The following GSE1 variants were observed in gnomAD, a reference collection of about 807,000 sequenced individuals.
The protein encoded by GSE1 is genetic suppressor element 1.
In GSE1, 32 loss-of-function variants were observed where a neutral mutation model predicts 112.6. The observed-to-expected ratio is 0.28, with a 90% CI of 0.21 to 0.38. The LOEUF (loss-of-function observed/expected upper bound fraction) is 0.38, where lower values mean the gene tolerates loss of function less well. Ranked by LOEUF, GSE1 falls within the 10% of genes least tolerant of loss-of-function variation. The pLI, the probability that GSE1 is intolerant of heterozygous loss-of-function variation, is 1.00. For synonymous variants in GSE1, 1,115 were observed against 735.6 expected (o/e 1.52, Z -8.35); for missense variants, 2,348 against 1,699.2 (o/e 1.38, Z -6.71).
chr16:85,671,396 C>T (rs1363601609), intron 15 of GSE1, among the ~76,000 whole-genome samples: 5 of 142,060 alleles, frequency 3.5e-5, no homozygotes, highest in Admixed American at 2.2e-4. Flanking sequence ...GCCGAGATTG[C>T]GCCACTGCAC....
chr16:85,261,034 C>T (rs1907631199), intron 1 of GSE1, among the ~76,000 whole-genome samples: 1 of 152,194 alleles, frequency 6.6e-6, no homozygotes, highest in Non-Finnish European at 1.5e-5. Flanking sequence ...TGGCTTGGCC[C>T]TGATGGGTCC....
At chr16:85,616,598 C>T (rs777117899) in intron 1 of GSE1, among the ~76,000 whole-genome samples, 17 of 152,146 alleles carry the variant, frequency 1.1e-4, no homozygotes, top group African/African-American at 2.2e-4. Context: ...CCTGGTGTGC[C>T]GGGAGAGCTG....
chr16:85,302,287 G>A (rs1784565823), intron 1 of GSE1, among the ~76,000 whole-genome samples: 1 of 152,178 alleles, frequency 6.6e-6, no homozygotes, highest in South Asian at 2.1e-4. Context: ...GTGACTCGGA[G>A]TCATCCTGAC....
intron 2 of GSE1, among the ~76,000 whole-genome samples, chr16:85,643,258 C>CAGG (rs2050590817): frequency 6.6e-6 from 1 of 152,192 alleles, no homozygotes. Context: ...TGAATACCGC[C>CAGG]AGTTAATTAC....
At chr16:85,202,806 G>A (rs2075051910) in intron 1 of GSE1, among the ~76,000 whole-genome samples, 1 of 152,214 alleles carries the variant, frequency 6.6e-6, no homozygotes, top group Non-Finnish European at 1.5e-5. Context: ...GGCCCAGCGT[G>A]GAGCCAGGCC....
intron 1 of GSE1, among the ~76,000 whole-genome samples, chr16:85,232,675 T>C (rs1013151118): frequency 1.1e-4 from 17 of 152,170 alleles, no homozygotes; most frequent in African/African-American, 3.6e-4. Context: ...CTCCAGCCAG[T>C]GGGGTCCTGC....
chr16:85,517,910 C>G (rs1414311709), intron 2 of GSE1, among the ~76,000 whole-genome samples: 3 of 152,254 alleles, frequency 2.0e-5, no homozygotes, highest in African/African-American at 7.2e-5. Flanking sequence ...GTGTGTGGCG[C>G]CTGGCAGGGC....
chr16:85,258,318 T>C (rs1376482458), intron 1 of GSE1, among the ~76,000 whole-genome samples: 2 of 152,216 alleles, frequency 1.3e-5, no homozygotes, highest in Non-Finnish European at 2.9e-5. Flanking sequence ...AGACTGAGCT[T>C]GATCTCAGCC....
In GSE1 at chr16:85,675,940, C is replaced by T. The variant is rs2053651768; in HGVS notation, c.*3401C>T. 1 of 152,596 alleles carries T rather than the reference C, an allele frequency of 6.6e-6. No homozygotes were observed. 9.5% of individuals were successfully genotyped at this position (152,596 alleles called of 1,614,324 possible). On this transcript the variant is annotated 3_prime_UTR_variant, in exon 16 of 16. Transcript: ENST00000253458. ...TAACTCTGCCTTGACCTGAGGAAGACCATGCTAACTGGTGTTATTTTGTAT... is the reference window on the plus strand; with the variant it reads ...TAACTCTGCCTTGACCTGAGGAAGATCATGCTAACTGGTGTTATTTTGTAT...
At chr16:85,457,017 C>G (rs751798650) in intron 2 of GSE1, among the ~76,000 whole-genome samples, 17 of 152,166 alleles carry the variant, frequency 1.1e-4, no homozygotes, top group Non-Finnish European at 2.5e-4. Context: ...TCTGGGGGCT[C>G]GAAAGAATCT....
intron 1 of GSE1, among the ~76,000 whole-genome samples, chr16:85,283,735 A>G (rs965932687): frequency 1.3e-5 from 2 of 152,222 alleles, no homozygotes; most frequent in African/African-American, 4.8e-5. Flanking sequence ...GCCTGTTCTC[A>G]GTGCTTCATA....
At chr16:85,340,876 C>T (rs1355978037) in intron 1 of GSE1, among the ~76,000 whole-genome samples, 8 of 152,178 alleles carry the variant, frequency 5.3e-5, no homozygotes, top group African/African-American at 1.9e-4. Context: ...CCGGCTCTGC[C>T]CAGGCCCCCA....
intron 2 of GSE1, among the ~76,000 whole-genome samples, chr16:85,643,438 C>T (rs1217795877): frequency 1.3e-5 from 2 of 152,192 alleles, no homozygotes; most frequent in Admixed American, 6.5e-5. Flanking sequence ...GTGTCAATGG[C>T]CTGCCCTGCC....
At chr16:85,527,134 G>A (rs187231034) in intron 2 of GSE1, among the ~76,000 whole-genome samples, 15 of 152,282 alleles carry the variant, frequency 9.9e-5, no homozygotes, top group African/African-American at 2.2e-4. Flanking sequence ...CCTGAGCAGC[G>A]GCCTGACTTG....
intron 1 of GSE1, among the ~76,000 whole-genome samples, chr16:85,575,846 G>A (rs1479838054): frequency 6.7e-6 from 1 of 148,866 alleles, no homozygotes; most frequent in Non-Finnish European, 1.5e-5. Flanking sequence ...GGTTATATTT[G>A]TTTTAGCTGT....
chr16:85,306,259 A>T (rs2045675452), intron 1 of GSE1: 1 of 154,124 alleles, frequency 6.5e-6, no homozygotes. Context: ...CTCATTTCCT[A>T]ATCCTCCTAG....
At chr16:85,280,202 C>A (rs1253387443) in intron 1 of GSE1, among the ~76,000 whole-genome samples, 1 of 152,182 alleles carries the variant, frequency 6.6e-6, no homozygotes, top group African/African-American at 2.4e-5. Context: ...AAGGCCCTGG[C>A]CCAGGAGTCG....
At chr16:85,375,051 G>A (rs1012224439) in intron 2 of GSE1, among the ~76,000 whole-genome samples, 1 of 152,194 alleles carries the variant, frequency 6.6e-6, no homozygotes, top group Non-Finnish European at 1.5e-5. Context: ...ACCTGGATGA[G>A]CCACCTAATC....
intron 9 of GSE1, 114 bp from the exon 10 acceptor site, chr16:85,662,867 A>T: frequency 1.4e-6 from 1 of 712,624 alleles, no homozygotes; most frequent in Non-Finnish European, 2.4e-6. Context: ...CAGGGTGTTC[A>T]GGTGCCAGCA....
Sources: gnomAD v4.1 joint callset for allele counts (sites outside exome capture counted in the v4.1 genomes callset) on GRCh38, gnomAD v4.1.1 for gene constraint, MANE v1.5 for transcripts, NCBI Gene and HGNC (gene_info 2026-07-23, HGNC 2026-07-21) for gene names.